FAM83A: variants seen among roughly 807,000 people sequenced by gnomAD.
FAM83A encodes the protein scaffolding CK1 anchoring protein A.
A neutral mutation model predicts 24.4 loss-of-function variants in FAM83A; 21 were observed. That is an observed-to-expected ratio of 0.86 (90% CI 0.61 to 1.24). FAM83A has a LOEUF of 1.24. Ranked by LOEUF, FAM83A falls within the 50% of genes most tolerant of loss-of-function variation. The pLI, the probability that FAM83A is intolerant of heterozygous loss-of-function variation, is 0.00. For synonymous variants in FAM83A, 270 were observed against 252.4 expected, an observed-to-expected ratio of 1.07 and a Z score of -0.66; for missense variants, 617 against 579.8, an observed-to-expected ratio of 1.06 and a Z score of -0.66.
chr8:123,190,346 C>T (rs1249499288), intron 1 of FAM83A, among the ~76,000 whole-genome samples: 3 of 152,138 alleles, frequency 2.0e-5, no homozygotes, highest in Non-Finnish European at 4.4e-5. Context: ...ACTGCAACCT[C>T]TGCCTCCTGG....
chr8:123,191,805 C>T, exon 2 of FAM83A: 2 of 1,613,676 alleles, frequency 1.2e-6, no homozygotes, highest in South Asian at 1.1e-5. Context: ...TGGCCCAGGT[C>T]CTGGTCATCC....
intron 3 of FAM83A, among the ~76,000 whole-genome samples, chr8:123,197,446 A>G (rs114484589): frequency 0.011 from 1,749 of 152,266 alleles, 37 homozygotes; most frequent in African/African-American, 0.039. Context: ...GGCTTCCTTC[A>G]CTTAACATAA....
At chr8:123,185,245 C>A (rs529728589) in intron 1 of FAM83A, among the ~76,000 whole-genome samples, 2 of 152,338 alleles carry the variant, frequency 1.3e-5, no homozygotes, top group East Asian at 3.9e-4. Flanking sequence ...CCTCCAGGCT[C>A]CAAAGGCCTG....
intron 3 of FAM83A, among the ~76,000 whole-genome samples, chr8:123,200,458 A>G (rs1824311688): frequency 6.6e-6 from 1 of 152,200 alleles, no homozygotes; most frequent in African/African-American, 2.4e-5. Context: ...CGCCCTGGGC[A>G]GGGGCAGGAG....
At chr8:123,194,731 A>G (rs189665230) in intron 3 of FAM83A, among the ~76,000 whole-genome samples, 69 of 152,298 alleles carry the variant, frequency 4.5e-4, no homozygotes, top group African/African-American at 1.6e-3. Flanking sequence ...TGATCCACCC[A>G]TGTGGCCTCC....
At chr8:123,191,296 C>T (rs75131087) in intron 1 of FAM83A, among the ~76,000 whole-genome samples, 8,237 of 152,256 alleles carry the variant, frequency 0.054, 319 homozygotes, top group Middle Eastern at 0.082. Flanking sequence ...CTCCATCCCA[C>T]GGGGAGCAGC....
At chr8:123,182,392 C>T (rs1489883923), upstream of FAM83A, 10 of 361,310 alleles carry the variant, frequency 2.8e-5, no homozygotes, top group Non-Finnish European at 5.5e-5. Flanking sequence ...ATCGAGGCAC[C>T]CAGGAGGGGA....
intron 3 of FAM83A, among the ~76,000 whole-genome samples, chr8:123,203,135 G>A (rs188726370): frequency 1.6e-4 from 24 of 151,730 alleles, no homozygotes; most frequent in African/African-American, 4.4e-4. Flanking sequence ...TTTACAAATC[G>A]ACTTGCAATA....
intron 3 of FAM83A, among the ~76,000 whole-genome samples, chr8:123,196,152 C>T (rs1824143983): frequency 6.6e-6 from 1 of 152,162 alleles, no homozygotes; most frequent in South Asian, 2.1e-4. Flanking sequence ...GCTGGGATTA[C>T]AGGCACCCGC....
intron 3 of FAM83A, chr8:123,201,068 T>C (rs1403444089): frequency 1.3e-5 from 2 of 151,564 alleles, no homozygotes; most frequent in Non-Finnish European, 2.9e-5. Context: ...GGCAGGAGAA[T>C]TACTTGAACC....
intron 1 of FAM83A, among the ~76,000 whole-genome samples, chr8:123,191,011 A>G (rs551347766): frequency 6.6e-6 from 1 of 152,320 alleles, no homozygotes; most frequent in Non-Finnish European, 1.5e-5. Context: ...TGTGGCCAAC[A>G]GGGGATGCCA....
At chr8:123,190,217 G>GAAGA (rs887577691) in intron 1 of FAM83A, among the ~76,000 whole-genome samples, 12 of 151,934 alleles carry the variant, frequency 7.9e-5, no homozygotes, top group Admixed American at 2.0e-4. Flanking sequence ...AAGAAAGAAA[G>GAAGA]AAGAAAGAAA....
At chr8:123,204,932 T>G (rs1451896708) in intron 3 of FAM83A, among the ~76,000 whole-genome samples, 4 of 151,770 alleles carry the variant, frequency 2.6e-5, no homozygotes, top group Non-Finnish European at 5.9e-5. Flanking sequence ...GCCAAGATGG[T>G]GAAACCCTGT....
intron 2 of FAM83A, among the ~76,000 whole-genome samples, 163 bp downstream of exon 2, chr8:123,192,133 A>G (rs770191413): frequency 2.6e-5 from 4 of 152,216 alleles, no homozygotes; most frequent in Non-Finnish European, 4.4e-5. Flanking sequence ...GCCCTCCTCC[A>G]TATTGTAGCT....
intron 3 of FAM83A, 41 bp downstream of exon 3, chr8:123,194,189 A>C (rs1824069481): frequency 1.2e-6 from 2 of 1,610,984 alleles, no homozygotes; most frequent in East Asian, 4.5e-5. Context: ...TTCATGGAGA[A>C]CAAGGGCTGA....
intron 2 of FAM83A, 59 bp downstream of exon 2, chr8:123,192,029 T>C: frequency 1.3e-6 from 2 of 1,557,600 alleles, no homozygotes; most frequent in South Asian, 2.3e-5. Context: ...GGATAGTCTA[T>C]GCAATAGTAA....
intron 3 of FAM83A, among the ~76,000 whole-genome samples, chr8:123,197,388 T>C (rs988856762): frequency 2.0e-5 from 3 of 152,210 alleles, no homozygotes; most frequent in East Asian, 1.9e-4. Flanking sequence ...TGTAAGTGCC[T>C]GTCTCATGTA....
At chr8:123,207,660 C>T in exon 4 of FAM83A, 1 of 1,530,652 alleles carries the variant, frequency 6.5e-7, no homozygotes. Flanking sequence ...ACCTGGAGGC[C>T]CTTCCTGCAG....
In FAM83A at chr8:123,206,437, G is replaced by A. The variant is rs376087745; in HGVS notation, c.774-720G>A. ...TTAGATTTTCGTGAAAACACAGTCC[G>A]GCTTCCCAAGAGCAGCCGCCTTTTG... On this transcript the variant is annotated intron_variant, in intron 3 of 3. Coordinates refer to ENST00000690554, the Ensembl canonical transcript of FAM83A. 3.3e-4 allele frequency among the ~76,000 whole-genome samples: 51 copies of A among 152,244 alleles called. No individual in the cohort carries two copies. In the East Asian group the frequency reaches 5.6e-3, roughly 17 times the overall value.
Sources: gnomAD v4.1 joint callset for allele counts (sites outside exome capture counted in the v4.1 genomes callset) on GRCh38, gnomAD v4.1.1 for gene constraint, MANE v1.5 for transcripts, NCBI Gene and HGNC (gene_info 2026-07-23, HGNC 2026-07-21) for gene names.